The following MTPN variants were observed in gnomAD, a reference collection of about 807,000 sequenced individuals.
The protein encoded by MTPN is granule cell differentiation protein.
MTPN carries 2 observed loss-of-function variants against 13.5 expected under a neutral mutation model. The ratio of observed to expected loss-of-function variants is 0.15; its 90% CI spans 0.06 to 0.47. The LOEUF (loss-of-function observed/expected upper bound fraction) is 0.47. MTPN is among the 20% of genes least tolerant of loss of function. The pLI is 0.97. For synonymous variants in MTPN, 46 were observed against 51.7 expected (o/e 0.89, Z 0.48); for missense variants, 79 against 137.9 (o/e 0.57, Z 2.14).
At chr7:135,972,829 T>C (rs1268099626) in intron 1 of MTPN, among the ~76,000 whole-genome samples, 1 of 151,192 alleles carries the variant, frequency 6.6e-6, no homozygotes, top group Non-Finnish European at 1.5e-5. Flanking sequence ...CGGTATGGTG[T>C]TTTTCTGTTA....
Position 135,929,041 on chromosome 7 carries a change from ATC to A in MTPN, c.*883_*884del, listed in dbSNP as rs1386498612. The A allele has an allele frequency of 3.0e-5, 5 of 167,172 alleles. No homozygotes were observed. The East Asian group carries it at 9.6e-4, about 32-fold the overall frequency. 10.4% of individuals were successfully genotyped at this position (167,172 alleles called of 1,614,324 possible). A position where few individuals can be genotyped will look rare whatever the true frequency, so the allele number is the denominator to read the frequency against. On this transcript the variant is annotated 3_prime_UTR_variant, in exon 4 of 4. Coordinates refer to ENST00000393085, the MANE Select transcript of MTPN (RefSeq NM_145808.4). ...TCCATTCAAACAGCAAATAAAGAAA[ATC>A]CATAGGTACTAAGATAACTGTTCTC...
intron 1 of MTPN, among the ~76,000 whole-genome samples, chr7:135,973,830 T>C (rs563247871): frequency 6.6e-6 from 1 of 152,298 alleles, no homozygotes; most frequent in East Asian, 1.9e-4. Flanking sequence ...TCCTGAAAAC[T>C]GTGTCGAACT....
chr7:135,947,180 G>T (rs1265169842), intron 3 of MTPN, among the ~76,000 whole-genome samples: 3 of 152,004 alleles, frequency 2.0e-5, no homozygotes, highest in African/African-American at 7.3e-5. Flanking sequence ...TCCCCTTCTT[G>T]CATCTCAGTC....
At chr7:135,966,866 G>C (rs1380407113) in intron 1 of MTPN, among the ~76,000 whole-genome samples, 1 of 152,094 alleles carries the variant, frequency 6.6e-6, no homozygotes, top group African/African-American at 2.4e-5. Flanking sequence ...TATAAGTAGG[G>C]AACTCCTCAA....
chr7:135,934,887 T>TTTATAACTTGCTC (rs1168292813), intron 3 of MTPN, among the ~76,000 whole-genome samples: 1 of 152,206 alleles, frequency 6.6e-6, no homozygotes, highest in East Asian at 1.9e-4. Flanking sequence ...TTTAACACTC[T>TTTATAACTTGCTC]TTATAACTTG....
At chr7:135,948,586 T>C (rs1799318268) in intron 3 of MTPN, among the ~76,000 whole-genome samples, 1 of 152,168 alleles carries the variant, frequency 6.6e-6, no homozygotes. Context: ...AAGCCAACTT[T>C]TCAGGAACTC....
At chr7:135,943,005 T>C (rs1408075118) in intron 3 of MTPN, among the ~76,000 whole-genome samples, 4 of 152,240 alleles carry the variant, frequency 2.6e-5, no homozygotes, top group Non-Finnish European at 1.5e-5. Context: ...ATTTATGGGG[T>C]AAATCTTGTA....
chr7:135,972,508 T>C (rs994504130), intron 1 of MTPN, among the ~76,000 whole-genome samples: 1 of 152,214 alleles, frequency 6.6e-6, no homozygotes, highest in Non-Finnish European at 1.5e-5. Context: ...ATTAATGAAG[T>C]ATGCTGAAAT....
At chr7:135,951,386 G>T in intron 2 of MTPN, 131 bp downstream of exon 2, 2 of 473,444 alleles carry the variant, frequency 4.2e-6, no homozygotes, top group Non-Finnish European at 7.0e-6. Flanking sequence ...AGGCAATTTG[G>T]CATAATTTCA....
At chr7:135,972,361 T>A (rs1799710856) in intron 1 of MTPN, among the ~76,000 whole-genome samples, 1 of 152,174 alleles carries the variant, frequency 6.6e-6, no homozygotes, top group Admixed American at 6.5e-5. Flanking sequence ...AGGTTCTTCA[T>A]CCTTAAAATA....
intron 3 of MTPN, among the ~76,000 whole-genome samples, chr7:135,942,491 A>C (rs561091462): frequency 6.6e-4 from 101 of 152,288 alleles, no homozygotes; most frequent in Non-Finnish European, 8.1e-4. Flanking sequence ...AATTGACTGG[A>C]TTTGAATTCC....
intron 3 of MTPN, chr7:135,932,602 A>G (rs1205911570): frequency 2.6e-5 from 4 of 152,120 alleles, no homozygotes; most frequent in African/African-American, 9.6e-5. Context: ...ATATATATAC[A>G]TATATACTTC....
intron 1 of MTPN, among the ~76,000 whole-genome samples, chr7:135,965,211 C>T (rs1403408278): frequency 6.6e-6 from 1 of 152,056 alleles, no homozygotes; most frequent in African/African-American, 2.4e-5. Flanking sequence ...GTGTATTAAG[C>T]ACTGCTTTGC....
chr7:135,936,116 G>T (rs977231852), intron 3 of MTPN, among the ~76,000 whole-genome samples: 9 of 152,122 alleles, frequency 5.9e-5, no homozygotes, highest in Admixed American at 3.9e-4. Context: ...ACTATGTTGA[G>T]GGCAGGAACA....
chr7:135,944,549 A>C (rs1198248561), intron 3 of MTPN, among the ~76,000 whole-genome samples: 5 of 152,038 alleles, frequency 3.3e-5, no homozygotes. Flanking sequence ...TGGTAATCCC[A>C]GCTACTTGGG....
chr7:135,971,458 C>T (rs1799692689), intron 1 of MTPN, among the ~76,000 whole-genome samples: 1 of 152,044 alleles, frequency 6.6e-6, no homozygotes, highest in Non-Finnish European at 1.5e-5. Flanking sequence ...AATATAGTAC[C>T]CCCCTAGTTT....
chr7:135,937,226 G>T (rs761610848), intron 3 of MTPN, among the ~76,000 whole-genome samples: 1 of 152,144 alleles, frequency 6.6e-6, no homozygotes, highest in Non-Finnish European at 1.5e-5. Flanking sequence ...TCAAGGTTTT[G>T]AAGATGCTGA....
intron 3 of MTPN, among the ~76,000 whole-genome samples, chr7:135,947,935 T>C (rs1268429469): frequency 6.6e-6 from 1 of 152,214 alleles, no homozygotes; most frequent in Non-Finnish European, 1.5e-5. Flanking sequence ...ATACTGAGTT[T>C]CTAAATCCCT....
At chr7:135,947,434 C>G (rs1799301957) in intron 3 of MTPN, among the ~76,000 whole-genome samples, 1 of 152,134 alleles carries the variant, frequency 6.6e-6, no homozygotes, top group African/African-American at 2.4e-5. Flanking sequence ...AAAGCAGATA[C>G]TGATCAACTC....
Sources: allele counts gnomAD v4.1 joint callset (sites outside exome capture counted in the v4.1 genomes callset), GRCh38; gene constraint gnomAD v4.1.1; transcripts MANE v1.5; gene names NCBI Gene and HGNC (gene_info 2026-07-23, HGNC 2026-07-21).